Variants in DCTN6 observed in about 807,000 individuals in gnomAD.
DCTN6 encodes dynactin subunit 6, also known as dynactin 6.
In DCTN6, 15 loss-of-function variants were observed where a neutral mutation model predicts 25.8. That is an observed-to-expected ratio of 0.58 (90% CI 0.39 to 0.89). The LOEUF (loss-of-function observed/expected upper bound fraction) is 0.89, where lower values mean the gene tolerates loss of function less well. Ranked by LOEUF, DCTN6 falls within the 40% of genes least tolerant of loss-of-function variation. DCTN6 has a pLI of 0.00. For missense variants in DCTN6, 198 were observed against 237.6 expected (o/e 0.83, Z 1.09); for synonymous variants, 64 against 78.3 (o/e 0.82, Z 0.96).
At chr8:30,167,276 AGT>A (rs1803690736) in intron 2 of DCTN6, among the ~76,000 whole-genome samples, 1 of 152,038 alleles carries the variant, frequency 6.6e-6, no homozygotes. Flanking sequence ...CCTGGATGAC[AGT>A]GTGAGACCCT....
At chr8:30,180,435 G>A (rs1414545844) in intron 5 of DCTN6, 53 bp from the exon 6 acceptor site, 20 of 1,572,882 alleles carry the variant, frequency 1.3e-5, no homozygotes, top group Non-Finnish European at 1.6e-5. Flanking sequence ...GAAAAAAAGT[G>A]TTGGAATCAT....
intron 6 of DCTN6, 105 bp downstream of exon 6, chr8:30,180,735 A>C: frequency 3.0e-6 from 4 of 1,336,452 alleles, no homozygotes; most frequent in Non-Finnish European, 4.0e-6. Context: ...AACATAATTA[A>C]AATAAAACAA....
intron 2 of DCTN6, among the ~76,000 whole-genome samples, chr8:30,166,556 G>A (rs376410224): frequency 6.6e-6 from 1 of 151,962 alleles, no homozygotes; most frequent in Non-Finnish European, 1.5e-5. Flanking sequence ...TATGTGGTGG[G>A]GGGGGTATGT....
rs183050875 is a variant in DCTN6, at chr8:30,167,937, A to G, written c.88+3762A>G. Among the ~76,000 whole-genome samples, 822 of 152,266 alleles carry G rather than the reference A, an allele frequency of 5.4e-3. 3 individuals carry two copies. The highest frequency in any genetic ancestry group is 9.1e-3 in the Non-Finnish European group (621 of 68,002). On this transcript the variant is annotated intron_variant, in intron 2 of 6. Transcript: ENST00000221114. ...GCTGATCTCAAACTCCTAACCTCAAATGATCCACCCTCCTCGGCCTCCCAA... is the reference window on the plus strand; with the variant it reads ...GCTGATCTCAAACTCCTAACCTCAAGTGATCCACCCTCCTCGGCCTCCCAA...
At chr8:30,167,076 AGAAAGAAG>A (rs1477812591) in intron 2 of DCTN6, among the ~76,000 whole-genome samples, 1 of 151,254 alleles carries the variant, frequency 6.6e-6, no homozygotes, top group African/African-American at 2.4e-5. Context: ...AGACGGAAAG[AGAAAGAAG>A]GAAAGAAGAA....
At chr8:30,166,646 C>T (rs1803679829) in intron 2 of DCTN6, among the ~76,000 whole-genome samples, 1 of 152,080 alleles carries the variant, frequency 6.6e-6, no homozygotes, top group African/African-American at 2.4e-5. Context: ...AAGGTAGCTG[C>T]CAGTGATTGG....
At chr8:30,156,576 G>A (rs1271616962) in intron 1 of DCTN6, among the ~76,000 whole-genome samples, 170 bp downstream of exon 1, 1 of 152,170 alleles carries the variant, frequency 6.6e-6, no homozygotes, top group Non-Finnish European at 1.5e-5. Context: ...CGGAGTGGGG[G>A]CGGGGAGGGT....
chr8:30,158,789 T>G (rs1803560316), intron 1 of DCTN6, among the ~76,000 whole-genome samples: 1 of 143,816 alleles, frequency 7.0e-6, no homozygotes, highest in Non-Finnish European at 1.5e-5. Context: ...TTTTTTTTTT[T>G]TTTTTTTTTT....
chr8:30,163,690 T>G (rs1563228530), intron 1 of DCTN6, among the ~76,000 whole-genome samples: 2 of 151,718 alleles, frequency 1.3e-5, no homozygotes, highest in Non-Finnish European at 2.9e-5. Flanking sequence ...TGACTTTCCA[T>G]TTTTCCATCT....
At chr8:30,178,830 AT>A (rs1337762187) in intron 4 of DCTN6, among the ~76,000 whole-genome samples, 1 of 151,928 alleles carries the variant, frequency 6.6e-6, no homozygotes, top group Non-Finnish European at 1.5e-5. Context: ...AGCTAATTTT[AT>A]TTTTGGTAGA....
At chr8:30,171,442 G>A (rs754984325) in intron 2 of DCTN6, among the ~76,000 whole-genome samples, 3 of 152,040 alleles carry the variant, frequency 2.0e-5, no homozygotes, top group Non-Finnish European at 2.9e-5. Flanking sequence ...TCATTTTGTA[G>A]AGAAGGGGGT....
chr8:30,164,168 A>G lies in DCTN6; in HGVS notation c.81A>G (p.Val27=), dbSNP rs777826979. 17 of 1,610,602 alleles carry G rather than the reference A, an allele frequency of 1.1e-5. No individual in the cohort carries two copies. Among genetic ancestry groups the G allele is most frequent in the Non-Finnish European group, 1.4e-5 (17 of 1,176,772 alleles). ...VCVESEIRGD[V]TIGPRTVIHP... ...TAGAAAGTGAAATCAGAGGAGATGT[A>G]ACTATCGGTAAGAAATAGTTTATTT... The change falls in exon 2 of 7, where the codon GTA becomes GTG. Residue 27 remains valine, a synonymous_variant. Coordinates refer to ENST00000221114, the MANE Select transcript of DCTN6 (RefSeq NM_006571.4).
chr8:30,180,366 T>TA, intron 5 of DCTN6, 122 bp from the exon 6 acceptor site: 1 of 1,252,278 alleles, frequency 8.0e-7, no homozygotes, highest in Non-Finnish European at 1.1e-6. Flanking sequence ...CAAACTGATG[T>TA]ATTTTCTTTA....
Position 30,175,167 on chromosome 8 carries a change from A to T in DCTN6, c.171A>T (p.Glu57Asp), listed in dbSNP as rs1163406080. The change falls in exon 3 of 7, where the codon GAA becomes GAT. Residue 57 changes from glutamate (E) to aspartate (D), a missense_variant. Coordinates refer to ENST00000221114, the MANE Select transcript of DCTN6 (RefSeq NM_006571.4). ...TGATTGGCGAAGGGAACCTAATAGA[A>T]GAACAGGCCCTTATCATAAATGCGT... is the stretch of plus-strand genomic sequence containing the variant. ...PIVIGEGNLIEEQALIINAYP... is the reference protein window; with the variant it reads ...PIVIGEGNLIDEQALIINAYP... 1.2e-6 allele frequency: 2 copies of T among 1,614,108 alleles called. No individual in the cohort carries two copies. The highest frequency in any genetic ancestry group is 8.5e-7 in the Non-Finnish European group (1 of 1,179,984).
At chr8:30,158,776 T>C (rs1803559775) in intron 1 of DCTN6, among the ~76,000 whole-genome samples, 2 of 115,584 alleles carry the variant, frequency 1.7e-5, no homozygotes, top group African/African-American at 5.8e-5. Flanking sequence ...CATGCCTGGT[T>C]CCTTTTTTTT....
intron 1 of DCTN6, among the ~76,000 whole-genome samples, chr8:30,157,248 T>C (rs1219690534): frequency 6.6e-6 from 1 of 152,242 alleles, no homozygotes; most frequent in Non-Finnish European, 1.5e-5. Flanking sequence ...TCCATCCATG[T>C]TGTTGCAAAA....
intron 5 of DCTN6, among the ~76,000 whole-genome samples, chr8:30,180,214 GC>G (rs1803893742): frequency 6.6e-6 from 1 of 152,048 alleles, no homozygotes; most frequent in Admixed American, 6.6e-5. Context: ...AAGTAGAGTG[GC>G]CTCTTTGTTT....
At chr8:30,168,270 G>A (rs1200719603) in intron 2 of DCTN6, among the ~76,000 whole-genome samples, 1 of 152,038 alleles carries the variant, frequency 6.6e-6, no homozygotes, top group African/African-American at 2.4e-5. Flanking sequence ...GTATAATATG[G>A]GAATTTTTCA....
chr8:30,181,219 C>A (rs537378525), intron 6 of DCTN6, among the ~76,000 whole-genome samples: 1 of 152,048 alleles, frequency 6.6e-6, no homozygotes, highest in Non-Finnish European at 1.5e-5. Context: ...TGGTCTCATG[C>A]ATTGTCACTG....
Sources: gnomAD v4.1 joint callset for allele counts (sites outside exome capture counted in the v4.1 genomes callset) on GRCh38, gnomAD v4.1.1 for gene constraint, MANE v1.5 for transcripts, NCBI Gene and HGNC (gene_info 2026-07-23, HGNC 2026-07-21) for gene names.